Variants in MIPEP observed in about 807,000 individuals in gnomAD.
MIPEP encodes mitochondrial intermediate peptidase.
MIPEP carries 79 observed loss-of-function variants against 90.3 expected under a neutral mutation model. The observed-to-expected ratio is 0.87, with a 90% confidence interval of 0.73 to 1.05. MIPEP has a LOEUF of 1.05. MIPEP is among the 50% of genes least tolerant of loss of function. The pLI, the probability that MIPEP is intolerant of heterozygous loss-of-function variation, is 0.00. For missense variants in MIPEP, 940 were observed against 905.6 expected (o/e 1.04, Z -0.49); for synonymous variants, 334 against 315.8 (o/e 1.06, Z -0.61).
chr13:23,863,416 T>C (rs994278375), intron 8 of MIPEP, among the ~76,000 whole-genome samples: 4 of 150,882 alleles, frequency 2.7e-5, no homozygotes, highest in Non-Finnish European at 5.9e-5. Context: ...AAATTCCACA[T>C]GTGATGTCAT....
chr13:23,829,846 G>A (rs1236029805), intron 14 of MIPEP, among the ~76,000 whole-genome samples: 1 of 152,118 alleles, frequency 6.6e-6, no homozygotes, highest in African/African-American at 2.4e-5. Flanking sequence ...GAACACTGCT[G>A]CTAATTAAGA....
At chr13:23,866,102 C>CGA in intron 7 of MIPEP, among the ~76,000 whole-genome samples, 1 of 152,258 alleles carries the variant, frequency 6.6e-6, no homozygotes, top group Admixed American at 6.5e-5. Flanking sequence ...GTCAGCCTCT[C>CGA]TGTCTTCCTT....
rs1346041410 is a variant in MIPEP at position 23,869,400 on chromosome 13, A to G, written c.835T>C (p.Leu279=). 8 of 1,611,412 alleles carry G rather than the reference A, an allele frequency of 5.0e-6. No individual in the cohort carries two copies. The South Asian group carries it at 6.6e-5, about 13-fold the overall frequency. Residue 279 remains leucine (L), a synonymous_variant, in exon 7 of 19, where the codon TTG becomes CTG. Coordinates refer to ENST00000382172, the MANE Select transcript of MIPEP (RefSeq NM_005932.4). ...KIFLYPNAGQ[L]KCLEELLSSR... ...CTGAGCAATTCTTCTAAACATTTCA[A>G]TTGACCAGCATTGGGATAAAGAAAA...
At chr13:23,830,015 G>T (rs1192846789) in intron 14 of MIPEP, among the ~76,000 whole-genome samples, 1 of 152,180 alleles carries the variant, frequency 6.6e-6, no homozygotes, top group Admixed American at 6.5e-5. Flanking sequence ...TAAATTAGCA[G>T]AAACATTTTG....
chr13:23,849,279 T>C (rs1436806059), intron 10 of MIPEP, among the ~76,000 whole-genome samples: 3 of 152,196 alleles, frequency 2.0e-5, no homozygotes, highest in Non-Finnish European at 4.4e-5. Flanking sequence ...GGGCAGCATA[T>C]AGGACCTCAC....
chr13:23,808,671 T>C (rs1223852865), intron 15 of MIPEP, among the ~76,000 whole-genome samples: 1 of 152,196 alleles, frequency 6.6e-6, no homozygotes, highest in Non-Finnish European at 1.5e-5. Context: ...CTACTAAAGA[T>C]ATCAGCAAAT....
chr13:23,808,396 G>A (rs1315058473), intron 15 of MIPEP, among the ~76,000 whole-genome samples: 1 of 152,094 alleles, frequency 6.6e-6, no homozygotes, highest in Admixed American at 6.6e-5. Flanking sequence ...ACCGCATCTG[G>A]CCTTAAAAAC....
intron 16 of MIPEP, among the ~76,000 whole-genome samples, chr13:23,805,187 T>G (rs905675070): frequency 6.6e-6 from 1 of 152,180 alleles, no homozygotes; most frequent in African/African-American, 2.4e-5. Context: ...TGGGTAACAT[T>G]AAGTCAGTCA....
intron 16 of MIPEP, among the ~76,000 whole-genome samples, chr13:23,782,633 C>T (rs1400276655): frequency 6.6e-6 from 1 of 151,870 alleles, no homozygotes; most frequent in Non-Finnish European, 1.5e-5. Flanking sequence ...GACAGAGACA[C>T]AAAAAAGTCT....
chr13:23,820,556 GTAAAGAAA>G (rs971087322), intron 14 of MIPEP, among the ~76,000 whole-genome samples: 2 of 152,088 alleles, frequency 1.3e-5, no homozygotes, highest in Non-Finnish European at 2.9e-5. Context: ...ATAAAACATC[GTAAAGAAA>G]TAAAGGAATA....
intron 18 of MIPEP, among the ~76,000 whole-genome samples, chr13:23,734,680 A>C (rs1565976139): frequency 6.6e-6 from 1 of 152,156 alleles, no homozygotes; most frequent in African/African-American, 2.4e-5. Flanking sequence ...CAGTCTTCCG[A>C]GGACCCTTAG....
chr13:23,767,046 T>C (rs1056242113), intron 16 of MIPEP, among the ~76,000 whole-genome samples: 1 of 152,226 alleles, frequency 6.6e-6, no homozygotes, highest in Non-Finnish European at 1.5e-5. Flanking sequence ...TGGGGGGCCC[T>C]CTAGGACCTG....
intron 14 of MIPEP, among the ~76,000 whole-genome samples, chr13:23,824,439 C>CT (rs1231714245): frequency 6.6e-6 from 1 of 152,214 alleles, no homozygotes; most frequent in Admixed American, 6.5e-5. Flanking sequence ...AAGCAGAGAA[C>CT]TCCTACTGCT....
At chr13:23,822,324 T>C in intron 14 of MIPEP, among the ~76,000 whole-genome samples, 1 of 152,204 alleles carries the variant, frequency 6.6e-6, no homozygotes, top group East Asian at 1.9e-4. Flanking sequence ...ACTATATGAC[T>C]ATAACAAGAC....
At chr13:23,790,924 A>G (rs1952891632) in intron 16 of MIPEP, among the ~76,000 whole-genome samples, 1 of 152,132 alleles carries the variant, frequency 6.6e-6, no homozygotes, top group Non-Finnish European at 1.5e-5. Flanking sequence ...CTCTCACTCC[A>G]TGGTTACAAT....
chr13:23,866,516 C>A (rs1870540989), intron 7 of MIPEP, among the ~76,000 whole-genome samples: 1 of 152,172 alleles, frequency 6.6e-6, no homozygotes, highest in African/African-American at 2.4e-5. Context: ...CTCCTCACAT[C>A]TGACCTGGCC....
At chr13:23,770,105 G>A (rs996920258) in intron 16 of MIPEP, among the ~76,000 whole-genome samples, 3 of 152,150 alleles carry the variant, frequency 2.0e-5, no homozygotes, top group Non-Finnish European at 4.4e-5. Flanking sequence ...CAGGTATTCT[G>A]TTATAAGCAA....
At chr13:23,813,778 A>G (rs1953203009) in intron 14 of MIPEP, among the ~76,000 whole-genome samples, 1 of 152,138 alleles carries the variant, frequency 6.6e-6, no homozygotes, top group Admixed American at 6.5e-5. Flanking sequence ...AAATAATTTC[A>G]ATCTGCTGTT....
At chr13:23,819,094 T>G (rs531711956) in intron 14 of MIPEP, among the ~76,000 whole-genome samples, 270 of 152,324 alleles carry the variant, frequency 1.8e-3, no homozygotes, top group African/African-American at 5.9e-3. Context: ...CAGAACTAGC[T>G]AGGTTTATTC....
Sources: gnomAD v4.1 joint callset for allele counts (sites outside exome capture counted in the v4.1 genomes callset) on GRCh38, gnomAD v4.1.1 for gene constraint, MANE v1.5 for transcripts, NCBI Gene and HGNC (gene_info 2026-07-23, HGNC 2026-07-21) for gene names.